CUL2: variants seen among roughly 807,000 people sequenced by gnomAD.
CUL2 encodes the protein cullin 2, also known as cullin-2.
CUL2 carries 22 observed loss-of-function variants against 110.2 expected under a neutral mutation model. The ratio of observed to expected loss-of-function variants is 0.20; its 90% CI spans 0.14 to 0.28. CUL2 has a LOEUF of 0.28. CUL2 is among the 10% of genes least tolerant of loss of function. CUL2 has a pLI of 1.00. For missense variants in CUL2, 631 were observed against 905.5 expected (o/e 0.70, Z 3.89); for synonymous variants, 279 against 293.2 (o/e 0.95, Z 0.49).
At chr10:35,101,411 G>A (rs552479406) in intron 1 of CUL2, among the ~76,000 whole-genome samples, 12 of 152,122 alleles carry the variant, frequency 7.9e-5, no homozygotes, top group Non-Finnish European at 1.6e-4. Flanking sequence ...CCATACACAG[G>A]AATCTGTTTT....
At position 35,038,818 on chromosome 10, in the gene CUL2, TAA is replaced by T. The variant is rs781411787; in HGVS notation, c.877+100_877+101del. On this transcript the variant is annotated intron_variant, in intron 9 of 20. Coordinates refer to ENST00000374749, the MANE Select transcript of CUL2 (RefSeq NM_003591.4). ...CTGTAAAAGGTTATTTAAAATATTT[TAA>T]AGACTATTACTAAAATAGGCATTAA... The T allele has an allele frequency of 5.3e-4, 345 of 653,890 alleles. 1 individual carries two copies. The highest frequency in any genetic ancestry group is 8.0e-4 in the Non-Finnish European group (325 of 408,802). 40.5% of individuals were successfully genotyped at this position (653,890 alleles called of 1,614,324 possible). A position where few individuals can be genotyped will look rare whatever the true frequency, so the allele number is the denominator to read the frequency against.
intron 1 of CUL2, among the ~76,000 whole-genome samples, chr10:35,105,499 A>C (rs2087443098): frequency 6.6e-6 from 1 of 151,670 alleles, no homozygotes; most frequent in Admixed American, 6.6e-5. Flanking sequence ...GCACTTTGGG[A>C]GGGAGACCAT....
intron 1 of CUL2, among the ~76,000 whole-genome samples, chr10:35,086,023 A>C (rs2087055995): frequency 6.6e-6 from 1 of 151,910 alleles, no homozygotes; most frequent in African/African-American, 2.4e-5. Context: ...AAAAGATAAA[A>C]ATAAAGAAAC....
chr10:35,064,677 AT>A (rs1297431042), intron 2 of CUL2, among the ~76,000 whole-genome samples: 1 of 152,098 alleles, frequency 6.6e-6, no homozygotes, highest in African/African-American at 2.4e-5. Flanking sequence ...CTATTTATAT[AT>A]TTTTAAGCTT....
chr10:35,078,134 G>T (rs924091176), intron 1 of CUL2, among the ~76,000 whole-genome samples: 5 of 152,086 alleles, frequency 3.3e-5, no homozygotes, highest in Non-Finnish European at 5.9e-5. Context: ...TAACTTTCCT[G>T]TGAGTTTTAG....
chr10:35,076,903 T>A (rs1272416701), intron 1 of CUL2, among the ~76,000 whole-genome samples: 1 of 151,976 alleles, frequency 6.6e-6, no homozygotes, highest in Non-Finnish European at 1.5e-5. Context: ...ACAAAAAAAA[T>A]TAGCCAGGTG....
At chr10:35,106,503 T>C (rs2087458892) in intron 1 of CUL2, among the ~76,000 whole-genome samples, 1 of 151,592 alleles carries the variant, frequency 6.6e-6, no homozygotes, top group Admixed American at 6.6e-5. Context: ...TTTTTCTTTT[T>C]TTTTCTTTTT....
At chr10:35,061,371 A>G (rs1256367414) in intron 3 of CUL2, among the ~76,000 whole-genome samples, 1 of 151,608 alleles carries the variant, frequency 6.6e-6, no homozygotes, top group Non-Finnish European at 1.5e-5. Flanking sequence ...GCTACTTGGG[A>G]AGTTGAGGCA....
chr10:35,049,285 C>T (rs1358552755), intron 6 of CUL2, among the ~76,000 whole-genome samples: 4 of 152,112 alleles, frequency 2.6e-5, no homozygotes, highest in Non-Finnish European at 4.4e-5. Context: ...TAAGAGGTAG[C>T]CAACTAACTA....
intron 17 of CUL2, among the ~76,000 whole-genome samples, chr10:35,016,857 G>A (rs1449124447): frequency 2.0e-5 from 3 of 150,734 alleles, no homozygotes; most frequent in African/African-American, 7.3e-5. Context: ...AACCTGGGAG[G>A]CGGAGGTTGC....
At chr10:35,033,524 CAGG>C (rs1447055006) in intron 10 of CUL2, among the ~76,000 whole-genome samples, 2 of 152,144 alleles carry the variant, frequency 1.3e-5, no homozygotes, top group African/African-American at 4.8e-5. Context: ...ATCATGAGGT[CAGG>C]AGATCGAGAC....
chr10:35,092,844 A>G (rs559047120), upstream of CUL2, among the ~76,000 whole-genome samples: 40 of 152,180 alleles, frequency 2.6e-4, no homozygotes, highest in African/African-American at 9.4e-4. Flanking sequence ...AAGCAGCAAG[A>G]ATAGGATTAT....
intron 3 of CUL2, among the ~76,000 whole-genome samples, chr10:35,062,406 T>A (rs1344837478): frequency 1.3e-5 from 2 of 152,160 alleles, no homozygotes; most frequent in Admixed American, 1.3e-4. Context: ...AATTTGGCTG[T>A]ATAAACACTA....
chr10:35,033,449 T>TTTC (rs2085528413), intron 10 of CUL2, among the ~76,000 whole-genome samples, 176 bp from the exon 11 acceptor site: 1 of 152,092 alleles, frequency 6.6e-6, no homozygotes, highest in Non-Finnish European at 1.5e-5. Flanking sequence ...AACTTTGGTG[T>TTTC]TGAAGGCTGG....
chr10:35,055,648 T>G (rs1456089060), intron 4 of CUL2, among the ~76,000 whole-genome samples: 1 of 152,166 alleles, frequency 6.6e-6, no homozygotes, highest in Non-Finnish European at 1.5e-5. Flanking sequence ...ATCTCCATAT[T>G]CACTAGTCAA....
At chr10:35,067,464 C>T (rs1047264963) in intron 2 of CUL2, among the ~76,000 whole-genome samples, 7 of 151,984 alleles carry the variant, frequency 4.6e-5, no homozygotes, top group African/African-American at 1.7e-4. Flanking sequence ...AAGAATTCAC[C>T]ATTGGCCGGT....
chr10:35,088,499 C>CAAAAAAAAAAAAAA (rs9299718), intron 1 of CUL2, among the ~76,000 whole-genome samples: 1 of 88,574 alleles, frequency 1.1e-5, no homozygotes, highest in Non-Finnish European at 2.0e-5. Flanking sequence ...GACTCCGCCT[C>CAAAAAAAAAAAAAA]AAAAAAAAAA....
intron 5 of CUL2, among the ~76,000 whole-genome samples, chr10:35,050,114 A>AG (rs1053186904): frequency 3.3e-5 from 5 of 152,098 alleles, no homozygotes; most frequent in Non-Finnish European, 7.4e-5. Flanking sequence ...CGAGGTCAGG[A>AG]GATCAAGACC....
intron 1 of CUL2, among the ~76,000 whole-genome samples, chr10:35,113,779 T>C (rs2087553973): frequency 6.6e-6 from 1 of 151,632 alleles, no homozygotes; most frequent in African/African-American, 2.4e-5. Context: ...CGATCTCAGC[T>C]TGCTGCAACC....
Sources: allele counts gnomAD v4.1 joint callset (sites outside exome capture counted in the v4.1 genomes callset), GRCh38; gene constraint gnomAD v4.1.1; transcripts MANE v1.5; gene names NCBI Gene and HGNC (gene_info 2026-07-23, HGNC 2026-07-21).